Variants in MAGI2 observed in about 807,000 individuals in gnomAD.
MAGI2 encodes membrane associated guanylate kinase, WW and PDZ domain containing 2.
A neutral mutation model predicts 133.3 loss-of-function variants in MAGI2; 35 were observed. The ratio of observed to expected loss-of-function variants is 0.26; its 90% CI spans 0.20 to 0.35. The LOEUF (loss-of-function observed/expected upper bound fraction) is 0.35. Ranked by LOEUF, MAGI2 falls within the 10% of genes least tolerant of loss-of-function variation. The probability of loss-of-function intolerance (pLI) is 1.00; values close to 1 mark genes in which losing one functional copy is unlikely to be tolerated. For missense variants in MAGI2, 1,636 were observed against 1,863.4 expected (o/e 0.88, Z 2.25); for synonymous variants, 729 against 710.6 (o/e 1.03, Z -0.41).
chr7:79,306,464 T>A (rs1345858542), intron 1 of MAGI2, among the ~76,000 whole-genome samples: 3 of 151,812 alleles, frequency 2.0e-5, no homozygotes, highest in Non-Finnish European at 4.4e-5. Context: ...ACCTGGCTGC[T>A]TTTTTGATTT....
intron 2 of MAGI2, among the ~76,000 whole-genome samples, chr7:78,669,500 G>C (rs1320584006): frequency 6.6e-6 from 1 of 152,076 alleles, no homozygotes; most frequent in East Asian, 1.9e-4. Flanking sequence ...GTACAAGGAG[G>C]AGCTGGTACC....
At chr7:78,613,415 A>C (rs1268572943) in intron 3 of MAGI2, among the ~76,000 whole-genome samples, 1 of 152,184 alleles carries the variant, frequency 6.6e-6, no homozygotes. Flanking sequence ...AAACATATTA[A>C]TTTGTAAGAG....
intron 2 of MAGI2, among the ~76,000 whole-genome samples, chr7:78,666,558 C>A (rs1813611473): frequency 6.6e-6 from 1 of 152,142 alleles, no homozygotes; most frequent in Non-Finnish European, 1.5e-5. Flanking sequence ...CAGGAATAAA[C>A]TTGATTAGAT....
At chr7:79,259,414 ATAAT>A (rs1231703105) in intron 1 of MAGI2, among the ~76,000 whole-genome samples, 4 of 152,332 alleles carry the variant, frequency 2.6e-5, no homozygotes, top group Admixed American at 2.6e-4. Flanking sequence ...ATTCTGTAAA[ATAAT>A]TTCTTATGCA....
intron 7 of MAGI2, among the ~76,000 whole-genome samples, chr7:78,346,418 T>G (rs996182084): frequency 6.6e-6 from 1 of 152,214 alleles, no homozygotes; most frequent in Non-Finnish European, 1.5e-5. Context: ...GAGCATCACC[T>G]GAGCTTTGCA....
intron 1 of MAGI2, among the ~76,000 whole-genome samples, chr7:79,387,735 C>G (rs1462156240): frequency 6.6e-6 from 1 of 151,944 alleles, no homozygotes; most frequent in Non-Finnish European, 1.5e-5. Flanking sequence ...GTGATGTGTT[C>G]TAGAACAATA....
intron 1 of MAGI2, among the ~76,000 whole-genome samples, chr7:79,100,231 A>G (rs1206244732): frequency 2.0e-5 from 3 of 152,114 alleles, no homozygotes; most frequent in Non-Finnish European, 4.4e-5. Flanking sequence ...GTGGTCAAAG[A>G]CAATGCAAAA....
chr7:78,254,043 G>A (rs1792709725), intron 10 of MAGI2: 1 of 152,184 alleles, frequency 6.6e-6, no homozygotes. Flanking sequence ...TCTGCATTTT[G>A]CTATGCTAGG....
At chr7:79,390,568 T>C (rs1585807499) in intron 1 of MAGI2, among the ~76,000 whole-genome samples, 1 of 152,070 alleles carries the variant, frequency 6.6e-6, no homozygotes, top group African/African-American at 2.4e-5. Flanking sequence ...ATAGAAGAGA[T>C]GGTCAGGAAA....
intron 1 of MAGI2, among the ~76,000 whole-genome samples, chr7:79,084,326 T>C (rs1379316998): frequency 4.0e-5 from 6 of 151,760 alleles, no homozygotes; most frequent in Non-Finnish European, 7.4e-5. Flanking sequence ...CTGAATCTCA[T>C]GCATTTCAGT....
intron 3 of MAGI2, among the ~76,000 whole-genome samples, chr7:78,541,668 T>C (rs562292887): frequency 3.3e-5 from 5 of 152,330 alleles, no homozygotes; most frequent in Admixed American, 3.3e-4. Context: ...CAGGCCCCAC[T>C]CTGCACTTAT....
intron 3 of MAGI2, among the ~76,000 whole-genome samples, chr7:78,582,269 A>T (rs144722516): frequency 6.6e-6 from 1 of 152,280 alleles, no homozygotes; most frequent in East Asian, 1.9e-4. Context: ...GCAGGAAAGG[A>T]GTCTAAGAGC....
chr7:79,224,399 A>G (rs926997269), intron 1 of MAGI2, among the ~76,000 whole-genome samples: 5 of 152,040 alleles, frequency 3.3e-5, no homozygotes, highest in African/African-American at 1.2e-4. Flanking sequence ...AATGCTAAAC[A>G]GTGAGTACTT....
At chr7:79,204,554 G>A (rs1031159722) in intron 1 of MAGI2, among the ~76,000 whole-genome samples, 11 of 151,792 alleles carry the variant, frequency 7.2e-5, no homozygotes, top group African/African-American at 2.7e-4. Context: ...ATGACCACAG[G>A]GATCAAAAAC....
intron 10 of MAGI2, among the ~76,000 whole-genome samples, chr7:78,225,183 G>C (rs16885883): frequency 0.017 from 2,647 of 152,190 alleles, 84 homozygotes; most frequent in African/African-American, 0.06. Context: ...CTTTCAGCTT[G>C]AATTCTTACC....
chr7:78,064,574 A>G (rs1296171569), intron 21 of MAGI2, among the ~76,000 whole-genome samples: 3 of 152,176 alleles, frequency 2.0e-5, no homozygotes, highest in African/African-American at 7.2e-5. Context: ...GTGCTTAGCC[A>G]TGGTTGTGAC....
At chr7:78,831,410 T>C (rs1035261099) in intron 2 of MAGI2, among the ~76,000 whole-genome samples, 7 of 152,166 alleles carry the variant, frequency 4.6e-5, no homozygotes, top group African/African-American at 1.7e-4. Flanking sequence ...AATTATCTTT[T>C]TTTTTTTTTG....
At chr7:78,922,618 G>C (rs1383088014) in intron 2 of MAGI2, among the ~76,000 whole-genome samples, 1 of 152,132 alleles carries the variant, frequency 6.6e-6, no homozygotes, top group Non-Finnish European at 1.5e-5. Context: ...TTGGTTCCAA[G>C]TCTTTGCTAT....
intron 20 of MAGI2, among the ~76,000 whole-genome samples, chr7:78,093,004 G>A (rs111869072): frequency 2.6e-5 from 4 of 151,636 alleles, no homozygotes; most frequent in African/African-American, 9.7e-5. Context: ...GGTGTGGTGG[G>A]GGGTGCCTGT....
Sources: allele counts gnomAD v4.1 joint callset (sites outside exome capture counted in the v4.1 genomes callset), GRCh38; gene constraint gnomAD v4.1.1; transcripts MANE v1.5; gene names NCBI Gene and HGNC (gene_info 2026-07-23, HGNC 2026-07-21).